Variants in FAM186A observed in about 807,000 individuals in gnomAD.
The protein encoded by FAM186A is protein FAM186A.
In FAM186A, 163 loss-of-function variants were observed where a neutral mutation model predicts 216.8. The ratio of observed to expected loss-of-function variants is 0.75; its 90% CI spans 0.66 to 0.86. The LOEUF is 0.86. Ranked by LOEUF, FAM186A falls within the 40% of genes least tolerant of loss-of-function variation. The probability of loss-of-function intolerance (pLI) is 0.00; values close to 1 mark genes in which losing one functional copy is unlikely to be tolerated. For missense variants in FAM186A, 2,184 were observed against 2,746.2 expected (o/e 0.80, Z 4.58); for synonymous variants, 805 against 1,025.3 (o/e 0.79, Z 4.10).
intron 4 of FAM186A, among the ~76,000 whole-genome samples, chr12:50,344,229 A>G (rs1403901171): frequency 2.0e-5 from 3 of 152,268 alleles, no homozygotes; most frequent in Admixed American, 6.5e-5. Flanking sequence ...GGTTATGACC[A>G]TAGTACCCAA....
rs569155305 is a variant in FAM186A at position 50,339,002 on chromosome 12, C to G, written c.6504-4899G>C. Among the ~76,000 whole-genome samples, 8 of 152,184 alleles carry G rather than the reference C, an allele frequency of 5.3e-5. No individual in the cohort carries two copies. The East Asian group carries it at 1.2e-3, about 22-fold the overall frequency. On this transcript the variant is annotated intron_variant, in intron 4 of 7. Transcript: ENST00000327337. ...ATTTCCTTTAGTCTATCCATTTTTA[C>G]TGTTTCAAGACTGTAGTAATTTTTT...
intron 4 of FAM186A, among the ~76,000 whole-genome samples, chr12:50,343,504 T>G (rs1942783910): frequency 6.6e-6 from 1 of 152,054 alleles, no homozygotes; most frequent in African/African-American, 2.4e-5. Flanking sequence ...TGGTGCGATC[T>G]TGGCTCATTG....
intron 1 of FAM186A, among the ~76,000 whole-genome samples, chr12:50,386,056 T>C (rs1943300318): frequency 6.6e-6 from 1 of 152,194 alleles, no homozygotes; most frequent in Non-Finnish European, 1.5e-5. Flanking sequence ...TTATACATCA[T>C]GATAACTATA....
chr12:50,367,359 A>T (rs924086829), intron 1 of FAM186A, among the ~76,000 whole-genome samples: 1 of 151,938 alleles, frequency 6.6e-6, no homozygotes, highest in African/African-American at 2.4e-5. Flanking sequence ...TCTACTAAAA[A>T]TACAAAAAAA....
At chr12:50,366,056 C>G in intron 1 of FAM186A, 2 of 745,598 alleles carry the variant, frequency 2.7e-6, no homozygotes, top group South Asian at 1.4e-5. Flanking sequence ...AGAGCAAATA[C>G]AAGGAAGAAA....
In FAM186A at chr12:50,331,699, G is replaced by C; in HGVS notation, c.6819C>G (p.Asp2273Glu). 1.3e-6 allele frequency: 2 copies of C among 1,546,588 alleles called. No individual in the cohort carries two copies. The highest frequency in any genetic ancestry group is 1.7e-6 in the Non-Finnish European group (2 of 1,145,974). Residue 2273 changes from aspartate to glutamate, a missense_variant, in exon 6 of 8, where the codon GAC (aspartate) becomes GAG (glutamate). Transcript: ENST00000327337. ...ATTTCTTGCATATGTCAGAGGTTCT[G>C]TCCTCTTCCATTAGTAATTTTAAGA... ...KPFLKLLMEE[D>E]RTSDICKKFR...
intron 3 of FAM186A, among the ~76,000 whole-genome samples, chr12:50,359,623 A>G (rs1419773349): frequency 6.6e-6 from 1 of 152,208 alleles, no homozygotes; most frequent in Non-Finnish European, 1.5e-5. Context: ...TAAAAGCCCC[A>G]AAGTGGAAAC....
At chr12:50,381,277 T>C (rs1943251882) in intron 1 of FAM186A, among the ~76,000 whole-genome samples, 2 of 152,204 alleles carry the variant, frequency 1.3e-5, no homozygotes, top group South Asian at 4.1e-4. Context: ...GCTCTTTCAG[T>C]CCCACCATTC....
intron 1 of FAM186A, among the ~76,000 whole-genome samples, chr12:50,375,876 GC>G (rs1264638493): frequency 6.6e-6 from 1 of 151,914 alleles, no homozygotes; most frequent in African/African-American, 2.4e-5. Context: ...CACCTACTAG[GC>G]CCAGCAAGCT....
intron 1 of FAM186A, among the ~76,000 whole-genome samples, chr12:50,381,541 C>T (rs1485643203): frequency 6.6e-6 from 1 of 150,660 alleles, no homozygotes; most frequent in African/African-American, 2.4e-5. Context: ...AAGATTCTGT[C>T]TCAAAAAAAA....
In FAM186A at chr12:50,360,927, C is replaced by A; in HGVS notation, c.413-1G>T. On this transcript the variant is annotated splice_acceptor_variant, in intron 2 of 7. Transcript: ENST00000327337. LOFTEE classifies it high-confidence loss of function. ...AGAGTCATCTCAGACAAAACATCATCTTGAAGAGAGTAAAAAAAAAATCAT... is the reference window on the plus strand; with the variant it reads ...AGAGTCATCTCAGACAAAACATCATATTGAAGAGAGTAAAAAAAAAATCAT... The A allele has an allele frequency of 6.6e-7, 1 of 1,525,248 alleles. No homozygotes were observed. Among genetic ancestry groups the A allele is most frequent in the Non-Finnish European group, 8.8e-7 (1 of 1,139,678 alleles). 94.5% of individuals were successfully genotyped at this position (1,525,248 alleles called of 1,614,324 possible).
intron 4 of FAM186A, among the ~76,000 whole-genome samples, chr12:50,339,423 C>A (rs1220841417): frequency 6.6e-6 from 1 of 152,182 alleles, no homozygotes; most frequent in Non-Finnish European, 1.5e-5. Flanking sequence ...CCTTTTAAAA[C>A]AACTGTAAAT....
intron 4 of FAM186A, among the ~76,000 whole-genome samples, chr12:50,345,621 TTG>T (rs1942804213): frequency 6.6e-6 from 1 of 152,172 alleles, no homozygotes. Context: ...TCCTCATTGC[TTG>T]TTTTTGTTGA....
At chr12:50,334,273 G>T (rs1942686248) in intron 4 of FAM186A, among the ~76,000 whole-genome samples, 170 bp from the exon 5 acceptor site, 1 of 151,694 alleles carries the variant, frequency 6.6e-6, no homozygotes. Context: ...CTGGATTCAA[G>T]AAATTATCCT....
At chr12:50,340,823 G>C (rs1942755887) in intron 4 of FAM186A, among the ~76,000 whole-genome samples, 1 of 145,670 alleles carries the variant, frequency 6.9e-6, no homozygotes, top group Non-Finnish European at 1.5e-5. Context: ...TTGAGACAGA[G>C]TCTTGCTCTG....
chr12:50,329,712 C>T (rs1323501741), intron 7 of FAM186A, among the ~76,000 whole-genome samples: 1 of 151,916 alleles, frequency 6.6e-6, no homozygotes, highest in Non-Finnish European at 1.5e-5. Flanking sequence ...ATTCTCCTGT[C>T]TCAGCCTCTG....
intron 2 of FAM186A, among the ~76,000 whole-genome samples, chr12:50,361,400 T>C (rs892892749): frequency 5.3e-5 from 8 of 151,934 alleles, no homozygotes; most frequent in African/African-American, 1.9e-4. Context: ...GGTTTCACCA[T>C]GTTGGCCAGG....
chr12:50,364,863 C>A (rs1225353418), intron 1 of FAM186A, among the ~76,000 whole-genome samples: 1 of 151,564 alleles, frequency 6.6e-6, no homozygotes, highest in Non-Finnish European at 1.5e-5. Context: ...CATGGTGAAA[C>A]CCCGTCTTTA....
chr12:50,372,980 GAGGA>G (rs71441363), intron 1 of FAM186A, among the ~76,000 whole-genome samples: 1 of 85,052 alleles, frequency 1.2e-5, no homozygotes, highest in Non-Finnish European at 2.9e-5. Context: ...GGGACGGAGG[GAGGA>G]AGGAAGGAAG....
Sources: allele counts gnomAD v4.1 joint callset (sites outside exome capture counted in the v4.1 genomes callset), GRCh38; gene constraint gnomAD v4.1.1; transcripts MANE v1.5; gene names NCBI Gene and HGNC (gene_info 2026-07-23, HGNC 2026-07-21).